Variants in BICD1 observed in about 807,000 individuals in gnomAD.
The protein encoded by BICD1 is protein bicaudal D homolog 1.
A neutral mutation model predicts 92.5 loss-of-function variants in BICD1; 35 were observed. The observed-to-expected ratio is 0.38, with a 90% CI of 0.29 to 0.50. The LOEUF (loss-of-function observed/expected upper bound fraction) is 0.50. Ranked by LOEUF, BICD1 falls within the 20% of genes least tolerant of loss-of-function variation. The pLI, the probability that BICD1 is intolerant of heterozygous loss-of-function variation, is 0.93. For synonymous variants in BICD1, 429 were observed against 465.1 expected (o/e 0.92, Z 1.00); for missense variants, 950 against 1,189.8 (o/e 0.80, Z 2.97).
At chr12:32,154,579 G>T (rs944539882) in intron 1 of BICD1, among the ~76,000 whole-genome samples, 2 of 152,144 alleles carry the variant, frequency 1.3e-5, no homozygotes, top group South Asian at 2.1e-4. Context: ...GACTTTGCAG[G>T]TCTTGCTGAA....
intron 1 of BICD1, among the ~76,000 whole-genome samples, chr12:32,110,508 T>C (rs1941645114): frequency 1.3e-5 from 2 of 152,028 alleles, no homozygotes; most frequent in African/African-American, 4.8e-5. Context: ...AATACTTGAG[T>C]CTGGTTTTGT....
chr12:32,184,529 C>T (rs1944373826), intron 1 of BICD1, among the ~76,000 whole-genome samples: 1 of 152,208 alleles, frequency 6.6e-6, no homozygotes, highest in Non-Finnish European at 1.5e-5. Flanking sequence ...TCGTGATCCA[C>T]CCACCTCGGC....
chr12:32,234,189 T>C (rs1391255549), intron 2 of BICD1, among the ~76,000 whole-genome samples: 1 of 152,234 alleles, frequency 6.6e-6, no homozygotes, highest in Non-Finnish European at 1.5e-5. Flanking sequence ...GCAGGCTATA[T>C]ATTGATTACC....
At chr12:32,346,613 C>T (rs1168138901) in intron 8 of BICD1, among the ~76,000 whole-genome samples, 13 of 23,602 alleles carry the variant, frequency 5.5e-4, no homozygotes, top group East Asian at 5.4e-3. Flanking sequence ...TATATATATA[C>T]GTGTATATAT....
chr12:32,333,350 G>A, intron 5 of BICD1: 1 of 879,238 alleles, frequency 1.1e-6, no homozygotes, highest in Non-Finnish European at 1.4e-6. Context: ...ATTTTAATCT[G>A]AATTTAAATC....
At chr12:32,206,759 A>C (rs2121549723) in intron 1 of BICD1, among the ~76,000 whole-genome samples, 1 of 152,360 alleles carries the variant, frequency 6.6e-6, no homozygotes, top group South Asian at 2.1e-4. Flanking sequence ...AAGAGAATGG[A>C]TTATTAATAT....
chr12:32,143,455 A>AT (rs68188131), intron 1 of BICD1, among the ~76,000 whole-genome samples: 6 of 148,896 alleles, frequency 4.0e-5, no homozygotes, highest in South Asian at 4.3e-4. Context: ...TTCATTTAAC[A>AT]TTTTTTTTTG....
chr12:32,373,766 G>C (rs1939825375), intron 9 of BICD1, among the ~76,000 whole-genome samples: 1 of 151,808 alleles, frequency 6.6e-6, no homozygotes, highest in South Asian at 2.1e-4. Context: ...TGTAGTCCCA[G>C]CTACTCGGGA....
At chr12:32,324,338 A>G (rs1206900351) in intron 4 of BICD1, among the ~76,000 whole-genome samples, 1 of 143,422 alleles carries the variant, frequency 7.0e-6, no homozygotes, top group East Asian at 2.2e-4. Context: ...CTGGTGACAG[A>G]GCTAGACTCC....
intron 1 of BICD1, among the ~76,000 whole-genome samples, chr12:32,111,896 A>T (rs903099849): frequency 6.6e-6 from 1 of 152,018 alleles, no homozygotes; most frequent in Non-Finnish European, 1.5e-5. Flanking sequence ...ATACATTAAG[A>T]TATGCTTTTG....
At position 32,327,705 on chromosome 12, in the gene BICD1, A is replaced by T; in HGVS notation, c.1250A>T (p.Glu417Val). Residue 417 changes from glutamate (E) to valine (V), a missense_variant, in exon 5 of 10, where the codon GAA becomes GTA. Physicochemically the swap from Glu to Val is moderately radical, Grantham distance 121. This residue lies in a region of BICD1 where 246 missense variants were observed against 258.4 expected (regional missense o/e 0.95). Transcript: ENST00000652176. The stretch of plus-strand genomic sequence containing the variant: ...GACATCAATGGTTTAGAGATCCTTG[A>T]ATGCAAATACAGGGTGGCAGTAACT... ...EVDINGLEILECKYRVAVTEV... is the reference protein window; with the variant it reads ...EVDINGLEILVCKYRVAVTEV... 6.2e-7 allele frequency: 1 copy of T among 1,614,166 alleles called. No individual in the cohort carries two copies. The highest frequency in any genetic ancestry group is 8.5e-7 in the Non-Finnish European group (1 of 1,180,016).
intron 8 of BICD1, 186 bp from the exon 9 acceptor site, chr12:32,367,484 A>G: frequency 3.7e-6 from 1 of 267,088 alleles, no homozygotes; most frequent in Admixed American, 6.1e-5. Flanking sequence ...GTATTTAAGA[A>G]AAAAAAAAAA....
At chr12:32,204,117 G>C (rs2121549623) in intron 1 of BICD1, among the ~76,000 whole-genome samples, 1 of 152,250 alleles carries the variant, frequency 6.6e-6, no homozygotes, top group East Asian at 1.9e-4. Flanking sequence ...GGGAGGCCTA[G>C]ACAGGTGGAT....
rs562290637 is a variant in BICD1, at chr12:32,382,476, G to T, written c.*4849G>T. 4 of 151,918 alleles carry T rather than the reference G, an allele frequency of 2.6e-5. No homozygotes were observed. Among genetic ancestry groups the T allele is most frequent in the Non-Finnish European group, 5.9e-5 (4 of 67,900 alleles). The allele number at this position is 151,918 out of a possible 1,614,324, so 9.4% of individuals were successfully genotyped here. On this transcript the variant is annotated 3_prime_UTR_variant, in exon 10 of 10. Transcript: ENST00000652176. ...TTCTCTGTGATCTTCTGTCCATTAG[G>T]AAAGTAAGGAGATTGTTATCTATAT...
chr12:32,147,054 C>T (rs893921218), intron 1 of BICD1, among the ~76,000 whole-genome samples: 5 of 152,014 alleles, frequency 3.3e-5, no homozygotes, highest in Admixed American at 1.3e-4. Flanking sequence ...GATCCTCTCA[C>T]CTTAGCCTCC....
intron 1 of BICD1, among the ~76,000 whole-genome samples, chr12:32,156,407 A>C (rs1943439571): frequency 6.6e-6 from 1 of 152,152 alleles, no homozygotes; most frequent in Non-Finnish European, 1.5e-5. Context: ...GGGATGAATT[A>C]ATAAAGAGAT....
chr12:32,335,341 G>T (rs1360019399), intron 6 of BICD1, among the ~76,000 whole-genome samples: 1 of 151,734 alleles, frequency 6.6e-6, no homozygotes, highest in Non-Finnish European at 1.5e-5. Context: ...TAGCAGAGAC[G>T]GGGTTTCACC....
At chr12:32,282,375 C>A (rs765271259) in intron 2 of BICD1, among the ~76,000 whole-genome samples, 1 of 151,884 alleles carries the variant, frequency 6.6e-6, no homozygotes, top group Non-Finnish European at 1.5e-5. Flanking sequence ...CACATGCCAC[C>A]ACACCCAGCT....
chr12:32,303,274 G>C (rs535086031), intron 3 of BICD1, among the ~76,000 whole-genome samples: 6 of 151,928 alleles, frequency 3.9e-5, no homozygotes, highest in Admixed American at 3.3e-4. Flanking sequence ...ATAGTGTGGT[G>C]AGCACATTCT....
Sources: gnomAD v4.1 joint callset for allele counts (sites outside exome capture counted in the v4.1 genomes callset) on GRCh38, gnomAD v4.1.1 for gene constraint, gnomAD v4.1.1 regional missense constraint, MANE v1.5 for transcripts, NCBI Gene and HGNC (gene_info 2026-07-23, HGNC 2026-07-21) for gene names.